WRN: variants seen among roughly 807,000 people sequenced by gnomAD.
WRN encodes the protein bifunctional 3'-5' exonuclease/ATP-dependent helicase WRN.
In WRN, 149 loss-of-function variants were observed where a neutral mutation model predicts 180.7. The ratio of observed to expected loss-of-function variants is 0.82; its 90% CI spans 0.72 to 0.94. WRN has a LOEUF of 0.94. Among genes scored for constraint, WRN ranks in the 40% least tolerant of loss-of-function variants. WRN has a pLI of 0.00. For missense variants in WRN, 1,661 were observed against 1,700.1 expected (o/e 0.98, Z 0.40); for synonymous variants, 548 against 568.9 (o/e 0.96, Z 0.52).
intron 26 of WRN, among the ~76,000 whole-genome samples, chr8:31,142,007 T>C (rs1434966974): frequency 6.6e-6 from 1 of 152,022 alleles, no homozygotes; most frequent in Non-Finnish European, 1.5e-5. Context: ...TGGAGTGCAG[T>C]GGTGCGATCA....
intron 16 of WRN, among the ~76,000 whole-genome samples, chr8:31,095,398 C>T (rs910298251): frequency 6.6e-6 from 1 of 152,162 alleles, no homozygotes; most frequent in Non-Finnish European, 1.5e-5. Flanking sequence ...TTTTGAAGAG[C>T]AGCAGTTTTT....
intron 1 of WRN, among the ~76,000 whole-genome samples, chr8:31,038,458 T>G (rs1416251231): frequency 6.6e-6 from 1 of 152,154 alleles, no homozygotes; most frequent in Admixed American, 6.5e-5. Flanking sequence ...TTATATATTC[T>G]GAATATTAAA....
intron 20 of WRN, among the ~76,000 whole-genome samples, chr8:31,117,690 C>G (rs1299323739): frequency 1.3e-5 from 2 of 152,126 alleles, no homozygotes; most frequent in South Asian, 2.1e-4. Flanking sequence ...TCTTCTCTAT[C>G]CATCTCCTTT....
chr8:31,091,017 A>G (rs1813730398), intron 15 of WRN, 75 bp downstream of exon 15: 3 of 1,130,950 alleles, frequency 2.7e-6, no homozygotes, highest in Non-Finnish European at 1.3e-6. Flanking sequence ...TCCATCATGC[A>G]TGTTAAAATC....
In WRN at chr8:31,085,149, A is replaced by T. The variant is rs755576733; in HGVS notation, c.1351-17A>T. Reference sequence around the variant, plus strand: ...TCAATTATATTGGAAATTAATGCTTAATACTTTTTTTTAAAGCATTTATCT... The same window carrying T: ...TCAATTATATTGGAAATTAATGCTTTATACTTTTTTTTAAAGCATTTATCT... On this transcript the variant is annotated splice_polypyrimidine_tract_variant and intron_variant, in intron 10 of 34. Coordinates refer to ENST00000298139, the MANE Select transcript of WRN (RefSeq NM_000553.6). The T allele has an allele frequency of 1.2e-6, 2 of 1,611,680 alleles. No individual in the cohort carries two copies. Among genetic ancestry groups the T allele is most frequent in the Middle Eastern group, 1.7e-4 (1 of 6,042 alleles).
intron 21 of WRN, among the ~76,000 whole-genome samples, chr8:31,122,391 T>C (rs1801757246): frequency 6.6e-6 from 1 of 152,016 alleles, no homozygotes; most frequent in African/African-American, 2.4e-5. Context: ...TTAGAGTCTA[T>C]CTTATGCCAT....
chr8:31,082,404 G>A (rs1356521139), intron 9 of WRN, among the ~76,000 whole-genome samples: 3 of 152,036 alleles, frequency 2.0e-5, no homozygotes, highest in Non-Finnish European at 2.9e-5. Flanking sequence ...ACTTTTATCA[G>A]TATAAACATG....
chr8:31,121,160 T>C (rs1381100642), intron 21 of WRN, among the ~76,000 whole-genome samples: 1 of 151,892 alleles, frequency 6.6e-6, no homozygotes, highest in Non-Finnish European at 1.5e-5. Flanking sequence ...CCTTCATCCG[T>C]AGGAAAAAGA....
At chr8:31,168,426 A>G (rs1160747449) in intron 34 of WRN, among the ~76,000 whole-genome samples, 2 of 143,614 alleles carry the variant, frequency 1.4e-5, no homozygotes, top group East Asian at 2.1e-4. Flanking sequence ...TATTTTAACT[A>G]TATATTGCCA....
At chr8:31,117,458 C>A (rs954727884) in intron 20 of WRN, among the ~76,000 whole-genome samples, 2 of 152,140 alleles carry the variant, frequency 1.3e-5, no homozygotes, top group Admixed American at 6.5e-5. Context: ...TTGTGAAATT[C>A]TACAGTTGAG....
chr8:31,107,428 G>A (rs1801138299), intron 18 of WRN, among the ~76,000 whole-genome samples: 1 of 152,128 alleles, frequency 6.6e-6, no homozygotes, highest in African/African-American at 2.4e-5. Flanking sequence ...GGCCATGGAC[G>A]TCATTGGATC....
chr8:31,109,368 G>A (rs998855358), intron 18 of WRN, among the ~76,000 whole-genome samples: 8 of 152,296 alleles, frequency 5.3e-5, no homozygotes, highest in African/African-American at 1.9e-4. Context: ...TTTCTAGAAT[G>A]TTGAGGCAAA....
chr8:31,061,964 C>T (rs976174348), intron 3 of WRN, among the ~76,000 whole-genome samples: 5 of 152,142 alleles, frequency 3.3e-5, no homozygotes, highest in African/African-American at 1.2e-4. Context: ...CTAGCTTCCT[C>T]CTCTCCAGAA....
At chr8:31,062,693 G>A (rs1010524139) in intron 3 of WRN, among the ~76,000 whole-genome samples, 2 of 152,124 alleles carry the variant, frequency 1.3e-5, no homozygotes, top group Non-Finnish European at 2.9e-5. Flanking sequence ...GATTACAGGC[G>A]TGAACCACTG....
rs3087426 is a variant in WRN, at chr8:31,141,364, TG to T, written c.2968-65del. The T allele has an allele frequency of 0.061, 96,325 of 1,587,384 alleles. 3,150 individuals carry two copies. Among genetic ancestry groups the T allele is most frequent in the South Asian group, 0.082 (7,357 of 89,408 alleles). On this transcript the variant is annotated intron_variant, in intron 24 of 34. Coordinates refer to ENST00000298139, the MANE Select transcript of WRN (RefSeq NM_000553.6). ...AATCCAAAGAATCAATAGACAAGTCTGTGTTTTACTTAACCTATATGTTTAA... is the reference window on the plus strand; with the variant it reads ...AATCCAAAGAATCAATAGACAAGTCTTGTTTTACTTAACCTATATGTTTAA...
chr8:31,172,075 C>G (rs1028617505), intron 34 of WRN, among the ~76,000 whole-genome samples: 1 of 152,100 alleles, frequency 6.6e-6, no homozygotes, highest in Non-Finnish European at 1.5e-5. Flanking sequence ...TTATGAAACA[C>G]TTAGCTACTT....
chr8:31,140,003 G>GTTTTTTTTTTTTTTTTTTTTTT (rs71539917), intron 24 of WRN, among the ~76,000 whole-genome samples: 1 of 62,086 alleles, frequency 1.6e-5, no homozygotes, highest in South Asian at 8.1e-4. Flanking sequence ...ATACTTCTTT[G>GTTTTTTTTTTTTTTTTTTTTTT]TTTTTTTTTT....
At chr8:31,157,094 T>G (rs1420352058) in intron 32 of WRN, among the ~76,000 whole-genome samples, 1 of 152,162 alleles carries the variant, frequency 6.6e-6, no homozygotes, top group Non-Finnish European at 1.5e-5. Flanking sequence ...CTTTCTAAAG[T>G]GAATAGAGAG....
intron 11 of WRN, among the ~76,000 whole-genome samples, chr8:31,087,449 G>A (rs538309790): frequency 6.6e-6 from 1 of 152,170 alleles, no homozygotes; most frequent in Non-Finnish European, 1.5e-5. Context: ...CTTGAGAATC[G>A]AAAATATTGA....
Sources: gnomAD v4.1 joint callset for allele counts (sites outside exome capture counted in the v4.1 genomes callset) on GRCh38, gnomAD v4.1.1 for gene constraint, MANE v1.5 for transcripts, NCBI Gene and HGNC (gene_info 2026-07-23, HGNC 2026-07-21) for gene names.